Variants in REXO2 observed in about 807,000 individuals in gnomAD.
The protein encoded by REXO2 is oligoribonuclease, mitochondrial.
Under a neutral mutation model 30.9 loss-of-function variants are expected in REXO2, and 17 were observed. That is an observed-to-expected ratio of 0.55 (90% CI 0.38 to 0.82). REXO2 has a LOEUF of 0.82. REXO2 is among the 40% of genes least tolerant of loss of function. REXO2 has a pLI of 0.00. For missense variants in REXO2, 253 were observed against 293.2 expected, an observed-to-expected ratio of 0.86 and a Z score of 1.00; for synonymous variants, 105 against 99.6, an observed-to-expected ratio of 1.05 and a Z score of -0.32.
intron 2 of REXO2, among the ~76,000 whole-genome samples, chr11:114,443,590 A>G (rs1376967920): frequency 6.6e-6 from 1 of 152,004 alleles, no homozygotes; most frequent in Non-Finnish European, 1.5e-5. Context: ...TAAATAGCTG[A>G]AGTGTGGGGC....
chr11:114,440,543 C>T, intron 1 of REXO2, 113 bp from the exon 2 acceptor site: 1 of 746,976 alleles, frequency 1.3e-6, no homozygotes, highest in South Asian at 1.7e-5. Context: ...TCTTCTGTTT[C>T]GGCTATGGAT....
Position 114,439,478 on chromosome 11 carries a change from C to T in REXO2, c.-51C>T. ...TTGCGACGTTTAGCGACTATTGCGC[C>T]TGCGCCAGCGCCGGCTGCGAGACTG... On this transcript the variant is annotated 5_prime_UTR_variant, in exon 1 of 7. Transcript: ENST00000265881. The T allele has an allele frequency of 6.3e-7, 1 of 1,591,340 alleles. No individual in the cohort carries two copies. The highest frequency in any genetic ancestry group is 8.5e-7 in the Non-Finnish European group (1 of 1,175,876).
intron 2 of REXO2, chr11:114,441,723 TTTTG>T (rs1246227588): frequency 1.4e-6 from 1 of 702,252 alleles, no homozygotes; most frequent in Non-Finnish European, 2.6e-6. Flanking sequence ...CAGTTAACAC[TTTTG>T]TTTGTTTTGC....
chr11:114,449,595 G>A (rs910802846), intron 6 of REXO2, among the ~76,000 whole-genome samples: 1 of 151,714 alleles, frequency 6.6e-6, no homozygotes, highest in Non-Finnish European at 1.5e-5. Flanking sequence ...GGAACATGTC[G>A]CCATCTTTTG....
intron 5 of REXO2, among the ~76,000 whole-genome samples, chr11:114,447,317 A>T (rs1346878632): frequency 5.9e-5 from 9 of 152,180 alleles, no homozygotes. Context: ...TAAAAATGTG[A>T]GAGGGTCAGT....
intron 2 of REXO2, 61 bp from the exon 3 acceptor site, chr11:114,443,795 C>A: frequency 1.6e-6 from 2 of 1,234,722 alleles, no homozygotes; most frequent in East Asian, 2.4e-5. Flanking sequence ...TTAAGCTTTC[C>A]CTCTGAAAGT....
At position 114,445,850 on chromosome 11, in the gene REXO2, T is replaced by C. The variant is rs920874395; in HGVS notation, c.422-129T>C. ...TTTACCCAAACCTGATTTAGAAATATAGAGGTGCTTTTAGGAATTGTTTGA... is the reference window on the plus strand; with the variant it reads ...TTTACCCAAACCTGATTTAGAAATACAGAGGTGCTTTTAGGAATTGTTTGA... On this transcript the variant is annotated intron_variant, in intron 4 of 6. Transcript: ENST00000265881. 1.4e-5 allele frequency: 9 copies of C among 632,078 alleles called. No homozygotes were observed. In the South Asian group the frequency reaches 1.5e-4, roughly 11 times the overall value. 39.2% of individuals were successfully genotyped at this position (632,078 alleles called of 1,614,324 possible). A position where few individuals can be genotyped will look rare whatever the true frequency, so the allele number is the denominator to read the frequency against.
intron 4 of REXO2, 79 bp downstream of exon 4, chr11:114,444,731 C>A: frequency 2.4e-6 from 2 of 830,220 alleles, no homozygotes; most frequent in Non-Finnish European, 1.7e-6. Context: ...AAAGACTAGC[C>A]GAGCCCATCC....
rs140492814 is a variant in REXO2 at position 114,439,660 on chromosome 11, C to T, written c.132C>T (p.Val44=). 6.6e-4 allele frequency: 1,032 copies of T among 1,554,832 alleles called. 4 individuals are homozygous for T. The highest frequency in any genetic ancestry group is 2.5e-3 in the Middle Eastern group (14 of 5,618). Residue 44 remains valine, a synonymous_variant, in exon 1 of 7, where the codon GTC becomes GTT. Transcript: ENST00000265881. The part of the protein sequence containing the change: ...AAGESMAQRM[V]WVDLEMTGLD... ...GGGAGAGCATGGCTCAGCGGATGGTCTGGGTGGACCTGGAGGTGAGTGAGG... is the reference window on the plus strand; with the variant it reads ...GGGAGAGCATGGCTCAGCGGATGGTTTGGGTGGACCTGGAGGTGAGTGAGG...
chr11:114,444,331 T>TTG, intron 3 of REXO2: 1 of 635,462 alleles, frequency 1.6e-6, no homozygotes, highest in Non-Finnish European at 2.9e-6. Context: ...GACATGCTAT[T>TTG]AACAGTCAGG....
chr11:114,443,733 G>C, intron 2 of REXO2, 123 bp from the exon 3 acceptor site: 1 of 672,640 alleles, frequency 1.5e-6, no homozygotes, highest in Non-Finnish European at 2.6e-6. Flanking sequence ...AACACTTAAA[G>C]TATCCTTATC....
chr11:114,443,933 G>T lies in REXO2; in HGVS notation c.309G>T (p.Lys103Asn). The change falls in exon 3 of 7, where the codon AAG (lysine) becomes AAT (asparagine). Residue 103 changes from lysine (K) to asparagine (N), a missense_variant and splice_region_variant. Coordinates refer to ENST00000265881, the MANE Select transcript of REXO2 (RefSeq NM_015523.4). ...ATTGGTGTAAGGAGCATCACGGGAA[G>T]GTAACATTACCAAATAACAGGATTG... ...MSDWCKEHHG[K>N]SGLTKAVKES... 1 of 1,602,336 alleles carries T rather than the reference G, an allele frequency of 6.2e-7. No individual in the cohort carries two copies. The highest frequency in any genetic ancestry group is 1.1e-5 in the South Asian group (1 of 88,798).
At chr11:114,449,478 A>G (rs4019734) in intron 6 of REXO2, among the ~76,000 whole-genome samples, 1 of 152,154 alleles carries the variant, frequency 6.6e-6, no homozygotes, top group African/African-American at 2.4e-5. Flanking sequence ...TTGGGAATTC[A>G]TAATACACAT....
intron 2 of REXO2, among the ~76,000 whole-genome samples, chr11:114,441,483 T>A (rs1946477878): frequency 6.6e-6 from 1 of 152,242 alleles, no homozygotes; most frequent in South Asian, 2.1e-4. Context: ...ACACACCTGC[T>A]GCATTTCAGC....
chr11:114,444,297 T>C (rs947949063), intron 3 of REXO2: 288 of 625,464 alleles, frequency 4.6e-4, no homozygotes, highest in Non-Finnish European at 6.8e-4. Context: ...CCTTGGACTT[T>C]GAACACCGTC....
chr11:114,439,511 G>GGCT lies in REXO2; in HGVS notation c.-13_-11dup. The stretch of plus-strand genomic sequence containing the variant: ...GCGCCGGCTGCGAGACTGGGGCCGT[G>GGCT]GCTGCTGGTCCCGGGTGATGCTAGG... On this transcript the variant is annotated 5_prime_UTR_variant, in exon 1 of 7. Coordinates refer to ENST00000265881, the MANE Select transcript of REXO2 (RefSeq NM_015523.4). 6.2e-7 allele frequency: 1 copy of GGCT among 1,602,538 alleles called. No homozygotes were observed. The highest frequency in any genetic ancestry group is 8.5e-7 in the Non-Finnish European group (1 of 1,178,738).
At position 114,447,804 on chromosome 11, in the gene REXO2, G is replaced by C. The variant is rs201577660; in HGVS notation, c.531-22G>C. The C allele has an allele frequency of 1.9e-5, 30 of 1,601,902 alleles. No homozygotes were observed. In the African/African-American group the frequency reaches 2.7e-4, roughly 14 times the overall value. ...ATATTTGAGACAGCTTCCTTTGAGA[G>C]TTCCATTTCTGCTGTGTATAGACGC... On this transcript the variant is annotated intron_variant, in intron 5 of 6. Coordinates refer to ENST00000265881, the MANE Select transcript of REXO2 (RefSeq NM_015523.4).
Position 114,449,856 on chromosome 11 carries a change from G to T in REXO2, c.595G>T (p.Asp199Tyr). Residue 199 changes from aspartate (D) to tyrosine (Y), a missense_variant, in exon 7 of 7, where the codon GAC becomes TAC. By Grantham distance (160) the Asp-to-Tyr change is radical. Coordinates refer to ENST00000265881, the MANE Select transcript of REXO2 (RefSeq NM_015523.4). The stretch of plus-strand genomic sequence containing the variant: ...TATGTTTGCTTATAGGGCACTTGAT[G>T]ACATTAGTGAAAGCATCAAAGAGCT... Reference protein sequence around the residue: ...KKAASHRALDDISESIKELQF... With the variant: ...KKAASHRALDYISESIKELQF... The T allele has an allele frequency of 1.2e-6, 2 of 1,608,818 alleles. No individual in the cohort carries two copies. The highest frequency in any genetic ancestry group is 2.2e-5 in the South Asian group (2 of 89,966).
intron 6 of REXO2, among the ~76,000 whole-genome samples, chr11:114,449,644 A>T (rs1038896173): frequency 3.9e-5 from 6 of 152,140 alleles, no homozygotes; most frequent in Middle Eastern, 3.4e-3. Context: ...TATTTTACAA[A>T]TTTTTTTGTC....
Sources: gnomAD v4.1 joint callset for allele counts (sites outside exome capture counted in the v4.1 genomes callset) on GRCh38, gnomAD v4.1.1 for gene constraint, MANE v1.5 for transcripts, NCBI Gene and HGNC (gene_info 2026-07-23, HGNC 2026-07-21) for gene names.